Variants in ANKRD11 observed in about 807,000 individuals in gnomAD.
The protein encoded by ANKRD11 is ankyrin repeat domain 11, also known as ankyrin repeat domain-containing protein 11.
In ANKRD11, 17 loss-of-function variants were observed where a neutral mutation model predicts 195.7. The ratio of observed to expected loss-of-function variants is 0.09; its 90% confidence interval spans 0.06 to 0.13. The LOEUF (loss-of-function observed/expected upper bound fraction) is 0.13. Among genes scored for constraint, ANKRD11 ranks in the 10% least tolerant of loss-of-function variants. The probability of loss-of-function intolerance (pLI) is 1.00; values close to 1 mark genes in which losing one functional copy is unlikely to be tolerated. For missense variants in ANKRD11, 3,735 were observed against 3,566.1 expected (o/e 1.05, Z -1.21); for synonymous variants, 1,953 against 1,528.1 (o/e 1.28, Z -6.49).
At chr16:89,301,706 G>A in intron 4 of ANKRD11, 1 of 398,662 alleles carries the variant, frequency 2.5e-6, no homozygotes. Context: ...TGCTGTGCAG[G>A]GACCACGCGG....
chr16:89,371,153 G>A (rs572323380), intron 2 of ANKRD11, among the ~76,000 whole-genome samples: 6 of 152,282 alleles, frequency 3.9e-5, no homozygotes, highest in Admixed American at 2.6e-4. Context: ...CAGGGTGCAC[G>A]TAAGTGGCTG....
chr16:89,311,412 A>G (rs146334970), intron 3 of ANKRD11, among the ~76,000 whole-genome samples: 91 of 152,304 alleles, frequency 6.0e-4, no homozygotes, highest in Non-Finnish European at 1.1e-3. Context: ...ACAACTGTCT[A>G]TCTAGATAGA....
chr16:89,409,255 G>C (rs1461606966), intron 2 of ANKRD11, among the ~76,000 whole-genome samples: 1 of 152,230 alleles, frequency 6.6e-6, no homozygotes, highest in Non-Finnish European at 1.5e-5. Flanking sequence ...CTCAGACCAA[G>C]TCCTGGTGTT....
chr16:89,464,958 A>T (rs142370416), intron 1 of ANKRD11, among the ~76,000 whole-genome samples: 1 of 152,250 alleles, frequency 6.6e-6, no homozygotes, highest in Admixed American at 6.5e-5. Flanking sequence ...AATCTGGCCC[A>T]ATGTCTTTTT....
chr16:89,300,902 A>G (rs2035811903), intron 4 of ANKRD11: 2 of 701,294 alleles, frequency 2.9e-6, no homozygotes, highest in Admixed American at 2.0e-5. Flanking sequence ...GCTTCGGCCC[A>G]TGGCGCTCCT....
chr16:89,384,798 G>A (rs2040823803), intron 2 of ANKRD11, among the ~76,000 whole-genome samples: 1 of 149,932 alleles, frequency 6.7e-6, no homozygotes, highest in East Asian at 2.0e-4. Context: ...CCACTAGACA[G>A]CCCAACAACA....
At chr16:89,482,618 C>G (rs904480835) in intron 1 of ANKRD11, among the ~76,000 whole-genome samples, 9 of 152,166 alleles carry the variant, frequency 5.9e-5, no homozygotes, top group Non-Finnish European at 1.3e-4. Context: ...AATTTGTAAC[C>G]ACAAGGATCC....
At chr16:89,307,353 CAACCTGCATCCACCA>C (rs2036347669) in intron 3 of ANKRD11, among the ~76,000 whole-genome samples, 1 of 152,168 alleles carries the variant, frequency 6.6e-6, no homozygotes, top group Non-Finnish European at 1.5e-5. Flanking sequence ...TGCATCCACC[CAACCTGCATCCACCA>C]AACCTGACAG....
intron 2 of ANKRD11, among the ~76,000 whole-genome samples, chr16:89,366,209 A>C (rs147826112): frequency 6.6e-6 from 1 of 151,128 alleles, no homozygotes; most frequent in African/African-American, 2.4e-5. Context: ...TATGCACCAC[A>C]TTTTCTTTAT....
intron 1 of ANKRD11, among the ~76,000 whole-genome samples, chr16:89,460,813 T>A (rs2056627841): frequency 6.6e-6 from 1 of 152,190 alleles, no homozygotes; most frequent in African/African-American, 2.4e-5. Flanking sequence ...TGGGGCAAAC[T>A]GTTCAAATGA....
chr16:89,301,489 G>C (rs1216199806), intron 4 of ANKRD11: 3 of 398,548 alleles, frequency 7.5e-6, no homozygotes, highest in African/African-American at 2.1e-5. Flanking sequence ...AGGCAAGATG[G>C]GCTAGAAGTC....
intron 2 of ANKRD11, among the ~76,000 whole-genome samples, chr16:89,327,061 G>A (rs966008037): frequency 6.7e-6 from 1 of 150,172 alleles, no homozygotes; most frequent in Non-Finnish European, 1.5e-5. Flanking sequence ...GGGAAATGCA[G>A]AGGTGGGGAA....
intron 2 of ANKRD11, among the ~76,000 whole-genome samples, chr16:89,348,828 TTCTCCTGA>T (rs1337294616): frequency 6.6e-6 from 1 of 151,908 alleles, no homozygotes; most frequent in East Asian, 1.9e-4. Flanking sequence ...TTGCTTCTTT[TTCTCCTGA>T]TCCATTTGGC....
At chr16:89,478,144 C>G (rs537812768) in intron 1 of ANKRD11, among the ~76,000 whole-genome samples, 1 of 152,254 alleles carries the variant, frequency 6.6e-6, no homozygotes, top group South Asian at 2.1e-4. Flanking sequence ...GAACAGTTCC[C>G]AACGTTGTTG....
chr16:89,293,004 C>T (rs2035165194), intron 4 of ANKRD11, among the ~76,000 whole-genome samples: 1 of 152,158 alleles, frequency 6.6e-6, no homozygotes, highest in Non-Finnish European at 1.5e-5. Flanking sequence ...CTGGAGAAAC[C>T]CCAGCTCCCC....
chr16:89,394,154 A>C (rs2041323704), intron 2 of ANKRD11, among the ~76,000 whole-genome samples: 1 of 151,804 alleles, frequency 6.6e-6, no homozygotes, highest in South Asian at 2.1e-4. Flanking sequence ...CTGCAAGCAC[A>C]ATGTCCTCCT....
intron 3 of ANKRD11, 146 bp from the exon 4 acceptor site, chr16:89,305,490 C>G: frequency 1.7e-6 from 2 of 1,192,288 alleles, no homozygotes; most frequent in South Asian, 1.4e-5. Context: ...CTGTGTGAGG[C>G]TGGTCACCGA....
At chr16:89,384,524 AGGATGGGATGGGACTG>A (rs1567728877) in intron 2 of ANKRD11, among the ~76,000 whole-genome samples, 2 of 129,490 alleles carry the variant, frequency 1.5e-5, no homozygotes, top group East Asian at 4.8e-4. Context: ...GACATGGAAC[AGGATGGGATGGGACTG>A]GGATGGGATG....
intron 1 of ANKRD11, among the ~76,000 whole-genome samples, chr16:89,481,729 T>G (rs1370302318): frequency 2.0e-5 from 3 of 152,132 alleles, no homozygotes; most frequent in Non-Finnish European, 4.4e-5. Flanking sequence ...GCTTCCAGGT[T>G]AATCTGCTGT....
Sources: gnomAD v4.1 joint callset for allele counts (sites outside exome capture counted in the v4.1 genomes callset) on GRCh38, gnomAD v4.1.1 for gene constraint, MANE v1.5 for transcripts, NCBI Gene and HGNC (gene_info 2026-07-23, HGNC 2026-07-21) for gene names.